The following TTC7A variants were observed in gnomAD, a reference collection of about 807,000 sequenced individuals.
TTC7A encodes tetratricopeptide repeat domain 7A.
A neutral mutation model predicts 103.7 loss-of-function variants in TTC7A; 110 were observed. That is an observed-to-expected ratio of 1.06 (90% CI 0.91 to 1.24). The LOEUF (loss-of-function observed/expected upper bound fraction) is 1.24. Among genes scored for constraint, TTC7A ranks in the 50% most tolerant of loss-of-function variants. The pLI, the probability that TTC7A is intolerant of heterozygous loss-of-function variation, is 0.00. For synonymous variants in TTC7A, 521 were observed against 467.9 expected (o/e 1.11, Z -1.47); for missense variants, 1,340 against 1,116.3 (o/e 1.20, Z -2.86).
chr2:46,963,413 C>T (rs550799186), intron 3 of TTC7A, among the ~76,000 whole-genome samples: 2 of 152,246 alleles, frequency 1.3e-5, no homozygotes, highest in Non-Finnish European at 2.9e-5. Flanking sequence ...CCCAAGGTCT[C>T]ACCTCAAGAC....
intron 3 of TTC7A, among the ~76,000 whole-genome samples, chr2:46,963,478 T>C (rs1672566097): frequency 6.6e-6 from 1 of 152,186 alleles, no homozygotes. Flanking sequence ...GGAATTCCAG[T>C]TTCTTAGCTT....
At chr2:47,038,648 ACCCACCCCCCCG>A (rs1681417322) in intron 15 of TTC7A, among the ~76,000 whole-genome samples, 5 of 38,852 alleles carry the variant, frequency 1.3e-4, no homozygotes, top group Admixed American at 8.3e-4. Flanking sequence ...CCCTCCCCCC[ACCCACCCCCCCG>A]ACACACAGAG....
intron 3 of TTC7A, among the ~76,000 whole-genome samples, chr2:46,968,015 G>T (rs1162087259): frequency 6.6e-6 from 1 of 152,124 alleles, no homozygotes; most frequent in African/African-American, 2.4e-5. Flanking sequence ...GAGGGAAGGG[G>T]TTCTGTTGCT....
At chr2:47,022,044 G>C (rs150734676) in intron 12 of TTC7A, 65 bp downstream of exon 12, 2 of 1,240,716 alleles carry the variant, frequency 1.6e-6, no homozygotes, top group Admixed American at 1.8e-5. Context: ...TGCCTCAGAG[G>C]CATCTTGTCC....
rs1572990437 is a variant in TTC7A at position 47,038,352 on chromosome 2, G to C, written c.1803-7963G>C. 2.0e-5 allele frequency among the ~76,000 whole-genome samples: 3 copies of C among 152,098 alleles called. No homozygotes were observed. In the East Asian group the frequency reaches 5.8e-4, roughly 29 times the overall value. The stretch of plus-strand genomic sequence containing the variant: ...GAGGGACACTTGGGTCATCAGACTT[G>C]GACCCTGCTTTTCACCACTGAGTCC... On this transcript the variant is annotated intron_variant, in intron 15 of 19. Transcript: ENST00000319190.
intron 19 of TTC7A, chr2:47,068,455 G>C (rs1684367546): frequency 6.6e-6 from 1 of 152,086 alleles, no homozygotes; most frequent in South Asian, 2.1e-4. Flanking sequence ...TGCTTGGCAG[G>C]AAAGTTCAAT....
intron 8 of TTC7A, among the ~76,000 whole-genome samples, chr2:47,001,887 G>T (rs951285416): frequency 6.7e-6 from 1 of 150,030 alleles, no homozygotes; most frequent in Admixed American, 6.6e-5. Flanking sequence ...AAAGAGTAAT[G>T]CATGTCACAC....
chr2:47,036,091 TGG>T (rs1415925024), intron 15 of TTC7A, among the ~76,000 whole-genome samples: 4 of 152,196 alleles, frequency 2.6e-5, no homozygotes, highest in Non-Finnish European at 5.9e-5. Flanking sequence ...AATTTGTGTT[TGG>T]GAAGTCCTCT....
At chr2:46,965,166 C>T (rs1672729164) in intron 3 of TTC7A, among the ~76,000 whole-genome samples, 1 of 152,200 alleles carries the variant, frequency 6.6e-6, no homozygotes, top group Non-Finnish European at 1.5e-5. Context: ...TCTTTTTTTA[C>T]TGTTCTCTTT....
intron 18 of TTC7A, 29 bp downstream of exon 18, chr2:47,051,909 C>A: frequency 6.3e-7 from 1 of 1,586,584 alleles, no homozygotes; most frequent in Admixed American, 1.7e-5. Flanking sequence ...GTGACACACA[C>A]AGCCTGTCTG....
At chr2:46,996,475 T>C (rs867491623) in intron 8 of TTC7A, among the ~76,000 whole-genome samples, 2 of 152,234 alleles carry the variant, frequency 1.3e-5, no homozygotes, top group Non-Finnish European at 2.9e-5. Context: ...TGCCAGGGCT[T>C]GCTTAGATAG....
chr2:47,068,897 AC>A (rs1684419604), intron 19 of TTC7A, among the ~76,000 whole-genome samples: 1 of 143,302 alleles, frequency 7.0e-6, no homozygotes, highest in South Asian at 2.2e-4. Context: ...AGAAAGACTC[AC>A]CCTACATGGA....
At chr2:47,048,922 C>T (rs573015478) in intron 16 of TTC7A, among the ~76,000 whole-genome samples, 4 of 152,240 alleles carry the variant, frequency 2.6e-5, no homozygotes, top group East Asian at 1.9e-4. Context: ...CTTTTTTGCA[C>T]CACACTTTGT....
At chr2:46,929,008 C>T (rs1669552281) in intron 2 of TTC7A, among the ~76,000 whole-genome samples, 1 of 151,752 alleles carries the variant, frequency 6.6e-6, no homozygotes, top group Admixed American at 6.6e-5. Flanking sequence ...ACTAAAAATA[C>T]AAAAATTAGC....
intron 15 of TTC7A, among the ~76,000 whole-genome samples, chr2:47,036,640 C>G (rs1027243762): frequency 1.3e-5 from 2 of 152,076 alleles, no homozygotes; most frequent in African/African-American, 4.8e-5. Context: ...GAAGATCACT[C>G]GAGGCTAGGA....
rs111675857 is a variant in TTC7A, at chr2:46,961,841, G to A, written c.517+4834G>A. On this transcript the variant is annotated intron_variant, in intron 3 of 19. Transcript: ENST00000319190. ...GGAGAATCGCTTGAACCTGGGAGGCGGAGGTTGCAGTGACCCGAGATCACA... is the reference window on the plus strand; with the variant it reads ...GGAGAATCGCTTGAACCTGGGAGGCAGAGGTTGCAGTGACCCGAGATCACA... Among the ~76,000 whole-genome samples, 388 of 151,616 alleles carry A rather than the reference G, an allele frequency of 2.6e-3. 1 individual carries two copies. Among genetic ancestry groups the A allele is most frequent in the African/African-American group, 8.8e-3 (363 of 41,294 alleles).
chr2:47,017,458 G>A (rs928306963), intron 11 of TTC7A, among the ~76,000 whole-genome samples: 17 of 149,182 alleles, frequency 1.1e-4, no homozygotes, highest in African/African-American at 4.2e-4. Flanking sequence ...GATCGCTTGA[G>A]CCCAGGAGGT....
chr2:47,037,568 G>A (rs1681248516), intron 15 of TTC7A, among the ~76,000 whole-genome samples: 1 of 152,254 alleles, frequency 6.6e-6, no homozygotes, highest in Non-Finnish European at 1.5e-5. Flanking sequence ...TGGAGCAGAG[G>A]CGAGAACCCA....
chr2:47,041,302 A>G (rs1573000097), intron 15 of TTC7A, among the ~76,000 whole-genome samples: 1 of 152,234 alleles, frequency 6.6e-6, no homozygotes, highest in Admixed American at 6.5e-5. Context: ...TGTGCTCAGC[A>G]CTGTGCCAGA....
Sources: allele counts gnomAD v4.1 joint callset (sites outside exome capture counted in the v4.1 genomes callset), GRCh38; gene constraint gnomAD v4.1.1; transcripts MANE v1.5; gene names NCBI Gene and HGNC (gene_info 2026-07-23, HGNC 2026-07-21).